The following CNTNAP5 variants were observed in gnomAD, a reference collection of about 807,000 sequenced individuals.
The protein encoded by CNTNAP5 is contactin associated protein family member 5.
Under a neutral mutation model 150.2 loss-of-function variants are expected in CNTNAP5, and 72 were observed. The ratio of observed to expected loss-of-function variants is 0.48; its 90% CI spans 0.40 to 0.58. CNTNAP5 has a LOEUF of 0.58. Ranked by LOEUF, CNTNAP5 falls within the 20% of genes least tolerant of loss-of-function variation. CNTNAP5 has a pLI of 0.00. For synonymous variants in CNTNAP5, 672 were observed against 619.8 expected (o/e 1.08, Z -1.25); for missense variants, 1,636 against 1,626.2 (o/e 1.01, Z -0.10).
chr2:124,436,641 G>A (rs1010688253), intron 5 of CNTNAP5, among the ~76,000 whole-genome samples: 1 of 152,144 alleles, frequency 6.6e-6, no homozygotes, highest in African/African-American at 2.4e-5. Context: ...TGGCTTTTCT[G>A]AAAATAAGTG....
intron 11 of CNTNAP5, among the ~76,000 whole-genome samples, chr2:124,604,040 C>A (rs1697047061): frequency 6.6e-6 from 1 of 152,134 alleles, no homozygotes; most frequent in African/African-American, 2.4e-5. Flanking sequence ...AAAATTGACT[C>A]AGTAAAATCT....
intron 3 of CNTNAP5, among the ~76,000 whole-genome samples, chr2:124,357,914 T>C (rs1473443408): frequency 2.0e-5 from 3 of 151,162 alleles, no homozygotes; most frequent in Non-Finnish European, 1.5e-5. Flanking sequence ...GCAATTTTCA[T>C]GATATTGATT....
chr2:124,269,894 T>C (rs565636209), intron 3 of CNTNAP5, among the ~76,000 whole-genome samples: 1 of 152,332 alleles, frequency 6.6e-6, no homozygotes, highest in African/African-American at 2.4e-5. Context: ...AAGCTGGGCA[T>C]TGTTTGGTCA....
intron 1 of CNTNAP5, among the ~76,000 whole-genome samples, chr2:124,050,473 T>TA (rs1430366697): frequency 2.0e-5 from 3 of 151,706 alleles, no homozygotes; most frequent in East Asian, 1.9e-4. Context: ...CAAAAAATAA[T>TA]AAAAAAAGAA....
intron 19 of CNTNAP5, among the ~76,000 whole-genome samples, chr2:124,833,124 G>A (rs370709009): frequency 6.6e-6 from 1 of 151,870 alleles, no homozygotes; most frequent in Non-Finnish European, 1.5e-5. Flanking sequence ...TGCCCAGGCT[G>A]GTCTCAAACT....
chr2:124,180,857 G>C (rs906027624), intron 1 of CNTNAP5, among the ~76,000 whole-genome samples: 1 of 142,462 alleles, frequency 7.0e-6, no homozygotes, highest in Non-Finnish European at 1.5e-5. Flanking sequence ...TCCTCTTATT[G>C]TTCACCTTGA....
At chr2:124,521,809 C>T (rs562495733) in intron 8 of CNTNAP5, among the ~76,000 whole-genome samples, 1 of 152,256 alleles carries the variant, frequency 6.6e-6, no homozygotes, top group South Asian at 2.1e-4. Flanking sequence ...ATTGACTGTG[C>T]TCCCCAAATA....
Position 124,763,658 on chromosome 2 carries a change from T to C in CNTNAP5, c.2235-14T>C, listed in dbSNP as rs1300072684. The C allele has an allele frequency of 3.7e-6, 6 of 1,607,736 alleles. No individual in the cohort carries two copies. The highest frequency in any genetic ancestry group is 4.2e-6 in the Non-Finnish European group (5 of 1,176,868). On this transcript the variant is annotated splice_polypyrimidine_tract_variant and intron_variant, in intron 14 of 23. Transcript: ENST00000682447. ...CATTTTGTCCTCTTTTTTTCTTAAA[T>C]TTATGTTTTGCAGGACAAATGATAC... is the stretch of plus-strand genomic sequence containing the variant.
intron 13 of CNTNAP5, among the ~76,000 whole-genome samples, chr2:124,700,872 G>C (rs1053622887): frequency 2.0e-5 from 3 of 151,750 alleles, no homozygotes; most frequent in Non-Finnish European, 4.4e-5. Flanking sequence ...ATGCAATTGC[G>C]TTTTTTGCCA....
chr2:124,848,231 T>C (rs1177749204), intron 19 of CNTNAP5, among the ~76,000 whole-genome samples: 1 of 152,216 alleles, frequency 6.6e-6, no homozygotes, highest in Non-Finnish European at 1.5e-5. Context: ...GCTTCTATGA[T>C]TTCTACCTTT....
chr2:124,784,068 C>A (rs572646930), intron 17 of CNTNAP5, among the ~76,000 whole-genome samples: 1 of 152,078 alleles, frequency 6.6e-6, no homozygotes, highest in Non-Finnish European at 1.5e-5. Flanking sequence ...AAGTCTGCCA[C>A]TTTTTGAAAT....
chr2:124,891,094 T>A (rs946669915), intron 21 of CNTNAP5, among the ~76,000 whole-genome samples: 14 of 152,130 alleles, frequency 9.2e-5, no homozygotes, highest in African/African-American at 3.1e-4. Flanking sequence ...CACCATTTTG[T>A]GGGTTAGAAA....
At chr2:124,485,459 A>G (rs1292254025) in intron 7 of CNTNAP5, among the ~76,000 whole-genome samples, 3 of 151,838 alleles carry the variant, frequency 2.0e-5, no homozygotes, top group African/African-American at 7.3e-5. Flanking sequence ...TAAAAATACA[A>G]AAAATTAACC....
intron 13 of CNTNAP5, among the ~76,000 whole-genome samples, chr2:124,712,899 G>C (rs74863632): frequency 5.3e-5 from 8 of 151,868 alleles, no homozygotes; most frequent in African/African-American, 1.9e-4. Flanking sequence ...GGTGTGAGCT[G>C]TTGAGTCTGT....
At chr2:124,442,813 G>A (rs1036371820) in intron 5 of CNTNAP5, among the ~76,000 whole-genome samples, 1 of 152,106 alleles carries the variant, frequency 6.6e-6, no homozygotes, top group African/African-American at 2.4e-5. Context: ...AATATAGGAA[G>A]AGAGTTCAAA....
In CNTNAP5 at chr2:124,202,875, C is replaced by T. The variant is rs138373731; in HGVS notation, c.83-18830C>T. 9.1e-3 allele frequency among the ~76,000 whole-genome samples: 1,381 copies of T among 152,166 alleles called. 22 individuals carry two copies. The highest frequency in any genetic ancestry group is 0.031 in the African/African-American group (1,293 of 41,522). On this transcript the variant is annotated intron_variant, in intron 1 of 23. Transcript: ENST00000682447. ...GAATTATGGGAGCTACAATTCAAGA[C>T]GAAATTTGAGTGAGGACACAGCCAG...
At chr2:124,663,201 G>T (rs1357979095) in intron 13 of CNTNAP5, among the ~76,000 whole-genome samples, 4 of 152,130 alleles carry the variant, frequency 2.6e-5, no homozygotes, top group African/African-American at 4.8e-5. Flanking sequence ...GTTAAATCCC[G>T]CTGCATGGAA....
intron 10 of CNTNAP5, among the ~76,000 whole-genome samples, chr2:124,560,570 T>A (rs1695868242): frequency 6.6e-6 from 1 of 151,886 alleles, no homozygotes; most frequent in South Asian, 2.1e-4. Flanking sequence ...TTTCTTTTTG[T>A]AATTACAGGA....
At chr2:124,808,524 G>A (rs1682130520) in intron 19 of CNTNAP5, among the ~76,000 whole-genome samples, 1 of 151,222 alleles carries the variant, frequency 6.6e-6, no homozygotes, top group African/African-American at 2.4e-5. Flanking sequence ...GGAGGCAGAC[G>A]TTGCAGCGAG....
Sources: allele counts gnomAD v4.1 joint callset (sites outside exome capture counted in the v4.1 genomes callset), GRCh38; gene constraint gnomAD v4.1.1; transcripts MANE v1.5; gene names NCBI Gene and HGNC (gene_info 2026-07-23, HGNC 2026-07-21).